The following CTNNA2 variants were observed in gnomAD, a reference collection of about 807,000 sequenced individuals.
CTNNA2 encodes catenin alpha-2.
CTNNA2 carries 42 observed loss-of-function variants against 101.0 expected under a neutral mutation model. That is an observed-to-expected ratio of 0.42 (90% CI 0.32 to 0.54). The LOEUF (loss-of-function observed/expected upper bound fraction) is 0.54. Among genes scored for constraint, CTNNA2 ranks in the 20% least tolerant of loss-of-function variants. The probability of loss-of-function intolerance (pLI) is 0.14; values close to 1 mark genes in which losing one functional copy is unlikely to be tolerated. For synonymous variants in CTNNA2, 450 were observed against 456.4 expected (o/e 0.99, Z 0.18); for missense variants, 871 against 1,223.1 (o/e 0.71, Z 4.29).
chr2:79,948,362 AT>A (rs1688643740), intron 7 of CTNNA2, among the ~76,000 whole-genome samples: 1 of 152,218 alleles, frequency 6.6e-6, no homozygotes, highest in Non-Finnish European at 1.5e-5. Context: ...ACTAAGAGGA[AT>A]ACCACGTCAT....
At chr2:80,016,512 G>T (rs894301820) in intron 7 of CTNNA2, among the ~76,000 whole-genome samples, 1 of 152,176 alleles carries the variant, frequency 6.6e-6, no homozygotes, top group Non-Finnish European at 1.5e-5. Context: ...GACACTTTAA[G>T]AAATATTAAC....
chr2:80,172,537 G>C (rs1281478019), intron 7 of CTNNA2, among the ~76,000 whole-genome samples: 1 of 152,196 alleles, frequency 6.6e-6, no homozygotes, highest in Non-Finnish European at 1.5e-5. Context: ...GAGTTTGTTA[G>C]AAATTCAGAA....
At chr2:79,682,414 A>AAG (rs1296018699) in intron 2 of CTNNA2, among the ~76,000 whole-genome samples, 1 of 126,298 alleles carries the variant, frequency 7.9e-6, no homozygotes, top group Non-Finnish European at 1.7e-5. Context: ...CCATCTCAAA[A>AAG]AAAAAAAAAA....
At position 80,382,360 on chromosome 2, in the gene CTNNA2, TA is replaced by T. The variant is rs3040573; in HGVS notation, c.1057-10838del. Among the ~76,000 whole-genome samples, 762 of 144,206 alleles carry T rather than the reference TA, an allele frequency of 5.3e-3. 2 individuals carry two copies. The highest frequency in any genetic ancestry group is 0.018 in the South Asian group (82 of 4,542). The allele number at this position is 144,206 out of a possible 152,430, so 94.6% of individuals were successfully genotyped here. ...TTGGGCAGCTGTGCCTTTAATTGGA[TA>T]AAAAAAAAAAAATGCTCATGACAAG... On this transcript the variant is annotated intron_variant, in intron 7 of 18. Transcript: ENST00000402739.
At chr2:80,150,222 T>A (rs1372494632) in intron 7 of CTNNA2, among the ~76,000 whole-genome samples, 1 of 152,166 alleles carries the variant, frequency 6.6e-6, no homozygotes, top group Non-Finnish European at 1.5e-5. Flanking sequence ...GAGCCCAGAC[T>A]CTCTCTCTGT....
chr2:80,333,163 A>G (rs1437692510), intron 7 of CTNNA2, among the ~76,000 whole-genome samples: 1 of 152,138 alleles, frequency 6.6e-6, no homozygotes, highest in African/African-American at 2.4e-5. Flanking sequence ...GGATCCCTGT[A>G]TTGGTCTATT....
chr2:79,404,596 G>A (rs375613838), intron 4 of CTNNA2, among the ~76,000 whole-genome samples: 33 of 151,984 alleles, frequency 2.2e-4, no homozygotes, highest in African/African-American at 7.2e-4. Context: ...AGGGCAACTC[G>A]GTTTGACTTA....
At chr2:80,590,396 T>C (rs1170640679) in intron 15 of CTNNA2, among the ~76,000 whole-genome samples, 1 of 152,188 alleles carries the variant, frequency 6.6e-6, no homozygotes, top group African/African-American at 2.4e-5. Flanking sequence ...GTATAAATTA[T>C]GCTGTTATAC....
chr2:80,301,262 A>C (rs993051592), intron 7 of CTNNA2, among the ~76,000 whole-genome samples: 7 of 152,228 alleles, frequency 4.6e-5, no homozygotes, highest in African/African-American at 1.7e-4. Context: ...GTGCTCCAGA[A>C]GCACAGCTTT....
chr2:80,200,689 C>A (rs1044275120), intron 7 of CTNNA2, among the ~76,000 whole-genome samples: 5 of 152,202 alleles, frequency 3.3e-5, no homozygotes, highest in Non-Finnish European at 4.4e-5. Flanking sequence ...GCACCTGCCA[C>A]CACGCCCGGC....
chr2:80,406,968 T>C (rs1213293518), intron 8 of CTNNA2, among the ~76,000 whole-genome samples: 3 of 152,108 alleles, frequency 2.0e-5, no homozygotes, highest in Admixed American at 6.6e-5. Flanking sequence ...GGAAGTACCC[T>C]TGATACTGTT....
intron 7 of CTNNA2, among the ~76,000 whole-genome samples, chr2:80,189,680 C>G (rs145097346): frequency 1.3e-5 from 2 of 152,012 alleles, no homozygotes; most frequent in African/African-American, 4.8e-5. Context: ...ATGCCTGGGC[C>G]GCCTATGTGG....
At chr2:79,945,232 G>C (rs970888383) in intron 7 of CTNNA2, among the ~76,000 whole-genome samples, 3 of 151,916 alleles carry the variant, frequency 2.0e-5, no homozygotes, top group African/African-American at 7.3e-5. Context: ...GTAGAGACAG[G>C]GTCTCGCTAT....
chr2:80,493,678 A>G (rs573411343), intron 9 of CTNNA2, among the ~76,000 whole-genome samples: 1 of 152,290 alleles, frequency 6.6e-6, no homozygotes, highest in East Asian at 1.9e-4. Context: ...AAGGACATCT[A>G]ATTTACTGTC....
intron 18 of CTNNA2, among the ~76,000 whole-genome samples, chr2:80,622,140 T>C (rs528327469): frequency 3.8e-4 from 58 of 151,924 alleles, no homozygotes; most frequent in Non-Finnish European, 4.6e-4. Context: ...CTAAATCATA[T>C]GCTGACTGTA....
chr2:80,263,018 C>A (rs1434038408), intron 7 of CTNNA2, among the ~76,000 whole-genome samples: 3 of 151,988 alleles, frequency 2.0e-5, no homozygotes, highest in Admixed American at 2.0e-4. Context: ...GTAATCTGGC[C>A]CTCGGAAATG....
chr2:80,536,384 T>G (rs954689938), intron 9 of CTNNA2, among the ~76,000 whole-genome samples: 21 of 152,128 alleles, frequency 1.4e-4, no homozygotes, highest in Admixed American at 3.3e-4. Flanking sequence ...ATTCTCAAAT[T>G]TACAGTGATG....
chr2:79,558,949 G>T (rs1674606691), intron 1 of CTNNA2, among the ~76,000 whole-genome samples: 1 of 151,464 alleles, frequency 6.6e-6, no homozygotes, highest in Non-Finnish European at 1.5e-5. Flanking sequence ...CTCTTTCTCT[G>T]TCTCCTCCCA....
At position 80,589,487 on chromosome 2, in the gene CTNNA2, T is replaced by G. The variant is rs1306714778; in HGVS notation, c.2189+2T>G. On this transcript the variant is annotated splice_donor_variant, in intron 15 of 18. Transcript: ENST00000402739. LOFTEE classifies it high-confidence loss of function. ...GATGGAAATGACAGACTTCACAAGGTGAGGCCCAGAGCCAGGGAGCTGAAG... is the reference window on the plus strand; with the variant it reads ...GATGGAAATGACAGACTTCACAAGGGGAGGCCCAGAGCCAGGGAGCTGAAG... 1 of 1,612,842 alleles carries G rather than the reference T, an allele frequency of 6.2e-7. No homozygotes were observed.
Sources: allele counts gnomAD v4.1 joint callset (sites outside exome capture counted in the v4.1 genomes callset), GRCh38; gene constraint gnomAD v4.1.1; transcripts MANE v1.5; gene names NCBI Gene and HGNC (gene_info 2026-07-23, HGNC 2026-07-21).